The following CER1 variants were observed in gnomAD, a reference collection of about 807,000 sequenced individuals.
The protein encoded by CER1 is cerberus 1, DAN family BMP antagonist, also known as cerberus.
Under a neutral mutation model 11.8 loss-of-function variants are expected in CER1, and 10 were observed. The observed-to-expected ratio is 0.85, with a 90% CI of 0.52 to 1.44. CER1 has a LOEUF of 1.44. Ranked by LOEUF, CER1 falls within the 40% of genes most tolerant of loss-of-function variation. CER1 has a pLI of 0.00. For synonymous variants in CER1, 141 were observed against 122.3 expected (o/e 1.15, Z -1.01); for missense variants, 431 against 327.0 (o/e 1.32, Z -2.45).
downstream of CER1, among the ~76,000 whole-genome samples, chr9:14,719,078 A>C (rs534092417): frequency 1.3e-5 from 2 of 152,362 alleles, no homozygotes; most frequent in South Asian, 4.1e-4. Flanking sequence ...TTTATTAAAT[A>C]GCAAAAAACA....
chr9:14,717,924 G>C (rs1325591948), downstream of CER1, among the ~76,000 whole-genome samples: 4 of 152,160 alleles, frequency 2.6e-5, no homozygotes, highest in Admixed American at 6.5e-5. Context: ...GGATTAAATT[G>C]TTAACTTCTT....
rs767060696 is a variant in CER1 at position 14,722,611 on chromosome 9, T to A, written c.62A>T (p.Gln21Leu). Residue 21 changes from glutamine (Q) to leucine (L), a missense_variant, in exon 1 of 2, where the codon CAG becomes CTG. By Grantham distance (113) the Gln-to-Leu change is moderately radical (BLOSUM62 -2). Coordinates refer to ENST00000380911, the MANE Select transcript of CER1 (RefSeq NM_005454.3). ...AGAACTCTGATTCTGGCGGCCATCC[T>A]GGTGCCGTGTGGTCTTTCCTAGAGG... ...LLPLGKTTRHQDGRQNQSSLS... is the reference protein window; with the variant it reads ...LLPLGKTTRHLDGRQNQSSLS... 1 of 1,608,836 alleles carries A rather than the reference T, an allele frequency of 6.2e-7. No homozygotes were observed. The highest frequency in any genetic ancestry group is 1.1e-5 in the South Asian group (1 of 91,076).
downstream of CER1, among the ~76,000 whole-genome samples, chr9:14,718,970 A>C (rs753773866): frequency 1.3e-5 from 2 of 152,028 alleles, no homozygotes; most frequent in Non-Finnish European, 2.9e-5. Context: ...CATTTTTCAG[A>C]ATGCTTCATA....
chr9:14,722,018 T>C, intron 1 of CER1, 148 bp downstream of exon 1: 1 of 903,638 alleles, frequency 1.1e-6, no homozygotes, highest in Non-Finnish European at 1.7e-6. Context: ...ACTTAATCTT[T>C]GCCAAATCCT....
At chr9:14,717,750 C>T (rs1009132560), downstream of CER1, among the ~76,000 whole-genome samples, 1 of 152,092 alleles carries the variant, frequency 6.6e-6, no homozygotes, top group Non-Finnish European at 1.5e-5. Flanking sequence ...GGCAAGAGAC[C>T]TGGAAGAGTT....
intron 1 of CER1, among the ~76,000 whole-genome samples, chr9:14,721,652 A>C (rs751845001): frequency 2.0e-5 from 3 of 152,172 alleles, no homozygotes; most frequent in Non-Finnish European, 4.4e-5. Flanking sequence ...AAAGTAATTA[A>C]GTATGGACTA....
At chr9:14,719,557 GC>G (rs1839977009), downstream of CER1, among the ~76,000 whole-genome samples, 1 of 76,490 alleles carries the variant, frequency 1.3e-5, no homozygotes, top group African/African-American at 4.2e-5. Flanking sequence ...CTGCCTGCCT[GC>G]CTGCCTTCCT....
downstream of CER1, among the ~76,000 whole-genome samples, chr9:14,717,786 G>C (rs1035775642): frequency 5.9e-5 from 9 of 152,142 alleles, no homozygotes; most frequent in African/African-American, 2.2e-4. Flanking sequence ...AAGAACAAAT[G>C]AGCAAATATT....
chr9:14,720,515 T>G (rs933666850), intron 1 of CER1, 129 bp from the exon 2 acceptor site: 6 of 910,518 alleles, frequency 6.6e-6, no homozygotes, highest in Non-Finnish European at 8.1e-6. Flanking sequence ...TGGATACAAT[T>G]TGCAATATGC....
rs1286597708 is a variant in CER1 at position 14,722,635 on chromosome 9, G to C, written c.38C>G (p.Pro13Arg). 4.4e-6 allele frequency: 7 copies of C among 1,604,600 alleles called. No individual in the cohort carries two copies. Among genetic ancestry groups the C allele is most frequent in the Non-Finnish European group, 5.9e-6 (7 of 1,179,918 alleles). Reference sequence around the variant, plus strand: ...CTGGTGCCGTGTGGTCTTTCCTAGAGGCAGGAGTACCAGCAGCTGAAATAA... The same window carrying C: ...CTGGTGCCGTGTGGTCTTTCCTAGACGCAGGAGTACCAGCAGCTGAAATAA... ...LLLFQLLVLL[P>R]LGKTTRHQDG... The change falls in exon 1 of 2, where the codon CCT becomes CGT. Residue 13 changes from proline (P) to arginine (R), a missense_variant. Transcript: ENST00000380911.
At position 14,720,161 on chromosome 9, in the gene CER1, T is replaced by C. The variant is rs1839987862; in HGVS notation, c.733A>G (p.Thr245Ala). 3 of 1,614,152 alleles carry C rather than the reference T, an allele frequency of 1.9e-6. No individual in the cohort carries two copies. The highest frequency in any genetic ancestry group is 2.5e-6 in the Non-Finnish European group (3 of 1,180,034). The change falls in exon 2 of 2, where the codon ACG (threonine) becomes GCG (alanine). Residue 245 changes from threonine (T) to alanine (A), a missense_variant. Coordinates refer to ENST00000380911, the MANE Select transcript of CER1 (RefSeq NM_005454.3). Reference protein sequence around the residue: ...LVEECQCKVKTEHEDGHILHA... With the variant: ...LVEECQCKVKAEHEDGHILHA... ...AGGATGTGTCCATCTTCATGCTCCGTCTTCACCTTGCACTGGCACTCCTCC... is the reference window on the plus strand; with the variant it reads ...AGGATGTGTCCATCTTCATGCTCCGCCTTCACCTTGCACTGGCACTCCTCC...
chr9:14,720,051 T>C lies in CER1; in HGVS notation c.*39A>G, dbSNP rs375033603. ...ACTGAATAATCAGCATCTTTGCTGT[T>C]GTGGTTTTGCTTTTCAAAGGTAATA... is the stretch of plus-strand genomic sequence containing the variant. On this transcript the variant is annotated 3_prime_UTR_variant, in exon 2 of 2. Transcript: ENST00000380911. 67 of 1,581,544 alleles carry C rather than the reference T, an allele frequency of 4.2e-5. No individual in the cohort carries two copies. Among genetic ancestry groups the C allele is most frequent in the Non-Finnish European group, 5.6e-5 (64 of 1,152,552 alleles).
chr9:14,720,407 C>T lies in CER1; in HGVS notation c.508-21G>A, dbSNP rs770307177. On this transcript the variant is annotated intron_variant, in intron 1 of 1. Coordinates refer to ENST00000380911, the MANE Select transcript of CER1 (RefSeq NM_005454.3). ...ATAGTCTAAAAAGCAAACACATTTC[C>T]ATTACGTTATTTTGAATTATTTCTT... 49 of 1,590,426 alleles carry T rather than the reference C, an allele frequency of 3.1e-5. 1 individual carries two copies. The South Asian group carries it at 4.8e-4, about 16-fold the overall frequency.
At chr9:14,719,585 T>G (rs1322781707), downstream of CER1, 5 of 137,682 alleles carry the variant, frequency 3.6e-5, no homozygotes, top group African/African-American at 1.7e-4. Flanking sequence ...CTTCCTTCCT[T>G]CCTTCCTTCC....
chr9:14,722,718 G>A lies in CER1; in HGVS notation c.-46C>T. 1 of 1,546,710 alleles carries A rather than the reference G, an allele frequency of 6.5e-7. No individual in the cohort carries two copies. The highest frequency in any genetic ancestry group is 8.6e-7 in the Non-Finnish European group (1 of 1,157,944). ...CTTTTGTAAATGATGAGGCCCAAAG[G>A]AGAGGCTCATTCTCTGCAGGACTGG... On this transcript the variant is annotated 5_prime_UTR_variant, in exon 1 of 2. Transcript: ENST00000380911.
rs1839983904 is a variant in CER1 at position 14,719,932 on chromosome 9, T to A, written c.*158A>T. The A allele has an allele frequency of 1.5e-6, 1 of 656,082 alleles. No homozygotes were observed. Among genetic ancestry groups the A allele is most frequent in the African/African-American group, 1.8e-5 (1 of 55,128 alleles). The allele number at this position is 656,082 out of a possible 1,614,324, so 40.6% of individuals were successfully genotyped here. On this transcript the variant is annotated 3_prime_UTR_variant, in exon 2 of 2. Coordinates refer to ENST00000380911, the MANE Select transcript of CER1 (RefSeq NM_005454.3). ...AAGGTCTCAAACGTGTACCAATAAC[T>A]AGACTAATATCATTTCCTCTATCGT...
In CER1 at chr9:14,722,215, T is replaced by C; in HGVS notation, c.458A>G (p.Lys153Arg). The C allele has an allele frequency of 1.9e-6, 3 of 1,614,240 alleles. No individual in the cohort carries two copies. The highest frequency in any genetic ancestry group is 2.5e-6 in the Non-Finnish European group (3 of 1,180,034). ...PASQGVILPI[K>R]SHEVHWETCR... Reference sequence around the variant, plus strand: ...GGTCTCCCAATGTACTTCATGGCTTTTGATGGGCAAGATGACCCCCTGAGA... The same window carrying C: ...GGTCTCCCAATGTACTTCATGGCTTCTGATGGGCAAGATGACCCCCTGAGA... The change falls in exon 1 of 2, where the codon AAA becomes AGA. Residue 153 changes from lysine to arginine, a missense_variant. Transcript: ENST00000380911.
At chr9:14,719,581 T>C (rs868514769), downstream of CER1, 1 of 136,322 alleles carries the variant, frequency 7.3e-6, no homozygotes, top group Non-Finnish European at 1.5e-5. Context: ...CTTCCTTCCT[T>C]CCTTCCTTCC....
At chr9:14,721,378 A>C (rs768230930) in intron 1 of CER1, among the ~76,000 whole-genome samples, 2 of 152,232 alleles carry the variant, frequency 1.3e-5, no homozygotes, top group African/African-American at 2.4e-5. Context: ...CTTTGTCTTA[A>C]TAGCATGGAA....
Sources: allele counts gnomAD v4.1 joint callset (sites outside exome capture counted in the v4.1 genomes callset), GRCh38; gene constraint gnomAD v4.1.1; transcripts MANE v1.5; gene names NCBI Gene and HGNC (gene_info 2026-07-23, HGNC 2026-07-21).